ACTR3C: variants seen among roughly 807,000 people sequenced by gnomAD.
The protein encoded by ACTR3C is actin related protein 3C.
ACTR3C carries 18 observed loss-of-function variants against 26.3 expected under a neutral mutation model. The ratio of observed to expected loss-of-function variants is 0.68; its 90% CI spans 0.47 to 1.01. The LOEUF is 1.01. ACTR3C is among the 50% of genes least tolerant of loss of function. ACTR3C has a pLI of 0.00. For missense variants in ACTR3C, 184 were observed against 250.7 expected, an observed-to-expected ratio of 0.73 and a Z score of 1.80; for synonymous variants, 55 against 94.5, an observed-to-expected ratio of 0.58 and a Z score of 2.42.
the ACTR3C span, among the ~76,000 whole-genome samples, chr7:149,985,035 C>T: frequency 5.8e-4 from 89 of 152,230 alleles, no homozygotes; most frequent in East Asian, 0.01. Flanking sequence ...AACCTGCCTA[C>T]GCACCAACAC....
the ACTR3C span, among the ~76,000 whole-genome samples, chr7:149,994,521 C>T: frequency 6.6e-5 from 10 of 152,154 alleles, no homozygotes; most frequent in East Asian, 1.9e-4. Flanking sequence ...CGCTTGAACC[C>T]GGGAGGCAGA....
At chr7:149,949,133 T>C in the ACTR3C span, among the ~76,000 whole-genome samples, 2 of 146,308 alleles carry the variant, frequency 1.4e-5, no homozygotes, top group East Asian at 3.9e-4. Context: ...CTGGCCAACA[T>C]GGTGAAACCC....
chr7:150,080,617 C>T, the ACTR3C span, among the ~76,000 whole-genome samples: 94 of 151,874 alleles, frequency 6.2e-4, no homozygotes, highest in South Asian at 3.3e-3. Flanking sequence ...CTGCTGTACA[C>T]CCAGAGTCTG....
chr7:150,291,593 C>T (rs1215075162), intron 3 of ACTR3C, among the ~76,000 whole-genome samples: 2 of 152,182 alleles, frequency 1.3e-5, no homozygotes, highest in African/African-American at 4.8e-5. Flanking sequence ...AACTAAGATA[C>T]GATTAAAAAT....
the ACTR3C span, among the ~76,000 whole-genome samples, chr7:150,069,614 G>A: frequency 2.7e-4 from 41 of 152,122 alleles, no homozygotes; most frequent in African/African-American, 7.5e-4. Flanking sequence ...GGATAAGACA[G>A]CCAGGGAGAG....
At chr7:150,288,491 T>C (rs1584935466) in intron 4 of ACTR3C, among the ~76,000 whole-genome samples, 1 of 137,556 alleles carries the variant, frequency 7.3e-6, no homozygotes, top group Non-Finnish European at 1.5e-5. Flanking sequence ...CAAGCAATGC[T>C]CCAGCCTCAG....
At chr7:149,984,298 G>A in the ACTR3C span, among the ~76,000 whole-genome samples, 1 of 151,848 alleles carries the variant, frequency 6.6e-6, no homozygotes, top group Non-Finnish European at 1.5e-5. Context: ...CTGCCTCCTG[G>A]ATTCAAGCAA....
At chr7:149,992,041 C>G in the ACTR3C span, among the ~76,000 whole-genome samples, 1 of 129,764 alleles carries the variant, frequency 7.7e-6, no homozygotes, top group African/African-American at 2.6e-5. Flanking sequence ...AGCCTCAAAC[C>G]TAATCTTACA....
At chr7:150,004,216 T>G in the ACTR3C span, among the ~76,000 whole-genome samples, 157 of 149,602 alleles carry the variant, frequency 1.0e-3, no homozygotes, top group African/African-American at 3.8e-3. Context: ...GTGTGTTATG[T>G]TGTGTGTGTG....
chr7:149,933,294 A>G, the ACTR3C span, among the ~76,000 whole-genome samples: 1 of 151,604 alleles, frequency 6.6e-6, no homozygotes, highest in South Asian at 2.1e-4. Context: ...AATTTGCTGT[A>G]TAAGGAAGCA....
chr7:150,073,111 T>A, the ACTR3C span, among the ~76,000 whole-genome samples: 1 of 151,772 alleles, frequency 6.6e-6, no homozygotes, highest in Non-Finnish European at 1.5e-5. Flanking sequence ...ACTTTGGGAG[T>A]GATTAGGTGG....
At chr7:150,080,507 G>C in the ACTR3C span, among the ~76,000 whole-genome samples, 1 of 147,716 alleles carries the variant, frequency 6.8e-6, no homozygotes, top group African/African-American at 2.6e-5. Context: ...CAAAGCTGCT[G>C]TATGAGTGTT....
chr7:150,259,861 G>T (rs1348019783), intron 6 of ACTR3C, among the ~76,000 whole-genome samples: 1 of 152,144 alleles, frequency 6.6e-6, no homozygotes, highest in African/African-American at 2.4e-5. Context: ...CCTTGTCCCT[G>T]CTGGATTCCT....
At chr7:150,042,982 C>T in the ACTR3C span, among the ~76,000 whole-genome samples, 19 of 151,328 alleles carry the variant, frequency 1.3e-4, 1 homozygote, top group Admixed American at 7.9e-4. Flanking sequence ...TCCGGGTCCC[C>T]GCCCCCTTTG....
the ACTR3C span, among the ~76,000 whole-genome samples, chr7:150,226,358 G>A: frequency 0.052 from 7,893 of 152,170 alleles, 351 homozygotes; most frequent in African/African-American, 0.11. Flanking sequence ...CTCCCCAGTC[G>A]TTGGTATCTC....
the ACTR3C span, among the ~76,000 whole-genome samples, chr7:150,203,124 C>T: frequency 3.9e-5 from 6 of 152,330 alleles, no homozygotes; most frequent in African/African-American, 9.6e-5. Flanking sequence ...AGCATCATTT[C>T]GGAGCTTTCT....
the ACTR3C span, among the ~76,000 whole-genome samples, chr7:149,977,915 A>C: frequency 6.6e-6 from 1 of 151,234 alleles, no homozygotes; most frequent in Non-Finnish European, 1.5e-5. Context: ...TATTTTAGAG[A>C]AGCAGAATCA....
chr7:150,297,589 T>G (rs1363405679), intron 1 of ACTR3C, among the ~76,000 whole-genome samples: 1 of 152,216 alleles, frequency 6.6e-6, no homozygotes, highest in Non-Finnish European at 1.5e-5. Context: ...CGGTGGCTCA[T>G]GCCTGTAATC....
the ACTR3C span, among the ~76,000 whole-genome samples, chr7:150,171,812 T>C: frequency 1.1e-4 from 16 of 145,708 alleles, no homozygotes; most frequent in South Asian, 2.1e-3. Flanking sequence ...CTATAGATTC[T>C]ATTCTTTCTT....
Sources: gnomAD v4.1 joint callset for allele counts (sites outside exome capture counted in the v4.1 genomes callset) on GRCh38, gnomAD v4.1.1 for gene constraint, MANE v1.5 for transcripts, NCBI Gene and HGNC (gene_info 2026-07-23, HGNC 2026-07-21) for gene names.